Variants in NECAB3 observed in about 807,000 individuals in gnomAD.
NECAB3 encodes the protein N-terminal EF-hand calcium-binding protein 3.
In NECAB3, 38 loss-of-function variants were observed where a neutral mutation model predicts 57.2. That is an observed-to-expected ratio of 0.66 (90% confidence interval 0.51 to 0.87). The LOEUF is 0.87. Among genes scored for constraint, NECAB3 ranks in the 40% least tolerant of loss-of-function variants. The pLI is 0.00. For synonymous variants in NECAB3, 223 were observed against 222.6 expected (o/e 1.00, Z -0.02); for missense variants, 474 against 527.5 (o/e 0.90, Z 0.99).
intron 5 of NECAB3, chr20:33,662,290 A>C (rs2017501375): frequency 6.5e-7 from 1 of 1,540,380 alleles, no homozygotes; most frequent in African/African-American, 1.4e-5. Context: ...GCCAGGGCCC[A>C]GGGGGCAGAG....
intron 5 of NECAB3, chr20:33,668,130 C>G (rs756215836): frequency 4.3e-6 from 7 of 1,610,758 alleles, no homozygotes; most frequent in Middle Eastern, 1.7e-4. Flanking sequence ...CTGTGTGGAC[C>G]GGCGGCTCCA....
chr20:33,658,324 C>T (rs2017349192), intron 10 of NECAB3, among the ~76,000 whole-genome samples, 153 bp downstream of exon 10: 1 of 152,306 alleles, frequency 6.6e-6, no homozygotes, highest in Non-Finnish European at 1.5e-5. Flanking sequence ...ACTGTTATCA[C>T]TTCCATTTTG....
intron 5 of NECAB3, chr20:33,667,518 G>A (rs759797913): frequency 1.3e-6 from 2 of 1,527,826 alleles, no homozygotes; most frequent in Non-Finnish European, 1.8e-6. Flanking sequence ...CCGCGTTGCT[G>A]GCGCTCTGCT....
intron 2 of NECAB3, among the ~76,000 whole-genome samples, chr20:33,671,233 C>T (rs568931183): frequency 1.6e-4 from 25 of 152,234 alleles, no homozygotes; most frequent in Non-Finnish European, 3.1e-4. Context: ...CAGATGGAAT[C>T]CTCCTACTAG....
intron 5 of NECAB3, chr20:33,665,355 G>C (rs1237832420): frequency 6.6e-6 from 1 of 152,302 alleles, no homozygotes; most frequent in Non-Finnish European, 1.5e-5. Flanking sequence ...GGCGCCTGTA[G>C]TCCCAGCTAC....
At position 33,657,983 on chromosome 20, in the gene NECAB3, T is replaced by C. The variant is rs148298666; in HGVS notation, c.1121A>G (p.His374Arg). The change falls in exon 11 of 12, where the codon CAC (histidine) becomes CGC (arginine). Residue 374 changes from histidine to arginine, a missense_variant. By Grantham distance (29) the His-to-Arg change is conservative. Transcript: ENST00000246190. ...GGTGAGGGTGTCCGGGGCCCGCAGG[T>C]GGTCGATGAGGATGCGCTGGAAGGC... is the stretch of plus-strand genomic sequence containing the variant. ...SKAFQRILID[H>R]LRAPDTLTTV... 15,322 of 1,556,776 alleles carry C rather than the reference T, an allele frequency of 9.8e-3. 107 individuals carry two copies. Among genetic ancestry groups the C allele is most frequent in the Non-Finnish European group, 0.011 (12,775 of 1,150,108 alleles).
At position 33,657,974 on chromosome 20, in the gene NECAB3, G is replaced by A. The variant is rs1409390821; in HGVS notation, c.1130C>T (p.Ala377Val). The change falls in exon 11 of 12, where the codon GCC (alanine) becomes GTC (valine). Residue 377 changes from alanine to valine, a missense_variant. Ala to Val is a moderately conservative substitution (Grantham distance 64, BLOSUM62 0). Transcript: ENST00000246190. ...GAACACAGTGGTGAGGGTGTCCGGGGCCCGCAGGTGGTCGATGAGGATGCG... is the reference window on the plus strand; with the variant it reads ...GAACACAGTGGTGAGGGTGTCCGGGACCCGCAGGTGGTCGATGAGGATGCG... Reference protein sequence around the residue: ...FQRILIDHLRAPDTLTTVFFP... With the variant: ...FQRILIDHLRVPDTLTTVFFP... The A allele has an allele frequency of 6.4e-7, 1 of 1,557,410 alleles. No individual in the cohort carries two copies. The highest frequency in any genetic ancestry group is 8.7e-7 in the Non-Finnish European group (1 of 1,150,396).
At chr20:33,672,119 C>T (rs141044834) in intron 2 of NECAB3, 8 of 528,792 alleles carry the variant, frequency 1.5e-5, no homozygotes, top group Non-Finnish European at 2.4e-5. Flanking sequence ...CAACAGAGGG[C>T]CACGTACAGG....
At chr20:33,667,942 C>A in intron 5 of NECAB3, 1 of 1,554,748 alleles carries the variant, frequency 6.4e-7, no homozygotes, top group Non-Finnish European at 8.7e-7. Context: ...CCGGGCGCTG[C>A]AGAAGATGCC....
At chr20:33,662,222 TG>T in intron 5 of NECAB3, 3 of 1,328,786 alleles carry the variant, frequency 2.3e-6, no homozygotes, top group Non-Finnish European at 3.1e-6. Flanking sequence ...CTGTGGGCCC[TG>T]GAAGGCGGTG....
chr20:33,669,428 C>T lies in NECAB3; in HGVS notation c.334G>A (p.Ala112Thr), dbSNP rs1273408837. The stretch of plus-strand genomic sequence containing the variant: ...ACTGCACGGTTCAGCGATTCCAATG[C>T]AGCCAGCACCGGCCGGTAGACACCC... The part of the protein sequence containing the change: ...HLGVYRPVLA[A>T]LESLNRAVLA... The change falls in exon 5 of 12, where the codon GCA becomes ACA. Residue 112 changes from alanine to threonine, a missense_variant. Ala to Thr is a moderately conservative substitution (Grantham distance 58). Coordinates refer to ENST00000246190, the MANE Select transcript of NECAB3 (RefSeq NM_031232.4). 6.2e-7 allele frequency: 1 copy of T among 1,613,722 alleles called. No homozygotes were observed.
rs372900295 is a variant in NECAB3 at position 33,659,900 on chromosome 20, C to T, written c.628G>A (p.Gly210Ser). The stretch of plus-strand genomic sequence containing the variant: ...CCAGGCGCACCTGTGTCAGAAGAGC[C>T]GGGGGACCAGGTGGATGACCGGCTG... Reference protein sequence around the residue: ...SVSRSSTWSPGSSDTGRSSEA... With the variant: ...SVSRSSTWSPSSSDTGRSSEA... The change falls in exon 7 of 12, where the codon GGC becomes AGC. Residue 210 changes from glycine to serine, a missense_variant. Physicochemically the swap from Gly to Ser is moderately conservative, Grantham distance 56. Transcript: ENST00000246190. 203 of 1,546,178 alleles carry T rather than the reference C, an allele frequency of 1.3e-4. No individual in the cohort carries two copies. In the African/African-American group the frequency reaches 2.0e-3, roughly 15 times the overall value.
chr20:33,661,176 G>A (rs1327896569), intron 5 of NECAB3, among the ~76,000 whole-genome samples: 1 of 152,174 alleles, frequency 6.6e-6, no homozygotes, highest in Non-Finnish European at 1.5e-5. Flanking sequence ...CCAGGGTCTG[G>A]CACGTAAGCT....
intron 1 of NECAB3, among the ~76,000 whole-genome samples, chr20:33,673,272 C>A (rs2017869647): frequency 1.3e-5 from 2 of 152,190 alleles, no homozygotes; most frequent in African/African-American, 4.8e-5. Context: ...GGGCCGAGAG[C>A]CCCCATGAAC....
chr20:33,673,697 C>G (rs2017882295), intron 1 of NECAB3, among the ~76,000 whole-genome samples: 1 of 152,062 alleles, frequency 6.6e-6, no homozygotes, highest in Admixed American at 6.5e-5. Flanking sequence ...GAGCCGAGCA[C>G]AGCGGTGAAC....
At chr20:33,674,527 C>A, upstream of NECAB3, 1 of 532,498 alleles carries the variant, frequency 1.9e-6, no homozygotes, top group Non-Finnish European at 2.4e-6. Context: ...CCAACTCCAG[C>A]GCCGCGGGCC....
chr20:33,663,617 G>A, intron 5 of NECAB3: 2 of 1,610,274 alleles, frequency 1.2e-6, no homozygotes, highest in Admixed American at 1.7e-5. Flanking sequence ...TCCGGCGCTG[G>A]GCTGGGCTCC....
intron 5 of NECAB3, chr20:33,663,642 A>T: frequency 1.9e-6 from 3 of 1,605,608 alleles, no homozygotes; most frequent in Non-Finnish European, 2.5e-6. Context: ...CGGCACCCAG[A>T]TTGCGCGGAG....
Position 33,659,559 on chromosome 20 carries a change from GCA to G in NECAB3, c.815_816del (p.Val272AlafsTer12). The G allele has an allele frequency of 1.3e-6, 2 of 1,576,548 alleles. No homozygotes were observed. Among genetic ancestry groups the G allele is most frequent in the Non-Finnish European group, 1.7e-6 (2 of 1,158,502 alleles). ...GGTTCCAGCCGGGGGGCCTGTGAGGGCACAGAGTGTGGGCCGGGCCTCCAGCA... is the reference window on the plus strand; with the variant it reads ...GGTTCCAGCCGGGGGGCCTGTGAGGGCAGAGTGTGGGCCGGGCCTCCAGCA... ...GPCWRPGPHS[V>X]PSQAPRLEPL... On this transcript the variant is annotated frameshift_variant, in exon 8 of 12. Coordinates refer to ENST00000246190, the MANE Select transcript of NECAB3 (RefSeq NM_031232.4). LOFTEE classifies it high-confidence loss of function.
Sources: allele counts gnomAD v4.1 joint callset (sites outside exome capture counted in the v4.1 genomes callset), GRCh38; gene constraint gnomAD v4.1.1; transcripts MANE v1.5; gene names NCBI Gene and HGNC (gene_info 2026-07-23, HGNC 2026-07-21).